IGF1R: variants seen among roughly 807,000 people sequenced by gnomAD.
The protein encoded by IGF1R is insulin like growth factor 1 receptor.
IGF1R carries 44 observed loss-of-function variants against 144.6 expected under a neutral mutation model. The ratio of observed to expected loss-of-function variants is 0.30; its 90% CI spans 0.24 to 0.39. The LOEUF is 0.39. Ranked by LOEUF, IGF1R falls within the 10% of genes least tolerant of loss-of-function variation. The probability of loss-of-function intolerance (pLI) is 1.00; values close to 1 mark genes in which losing one functional copy is unlikely to be tolerated. For synonymous variants in IGF1R, 795 were observed against 722.8 expected (o/e 1.10, Z -1.60); for missense variants, 1,355 against 1,833.7 (o/e 0.74, Z 4.77).
chr15:98,885,373 G>A (rs1309886209), intron 2 of IGF1R, among the ~76,000 whole-genome samples: 2 of 152,152 alleles, frequency 1.3e-5, no homozygotes, highest in African/African-American at 2.4e-5. Flanking sequence ...AGTTCACCTA[G>A]AGCCCCTCGC....
rs563663770 is a variant in IGF1R, at chr15:98,740,866, T to C, written c.640+32759T>C. Among the ~76,000 whole-genome samples the C allele has an allele frequency of 3.3e-5, 5 of 152,358 alleles. 1 individual carries two copies. The South Asian group carries it at 1.0e-3, about 32-fold the overall frequency. ...ATTCCCCTACTTTCTCTTATGTATC[T>C]GGACTGGCTTTTAAAAGATATTTAG... On this transcript the variant is annotated intron_variant, in intron 2 of 20. Transcript: ENST00000650285.
At chr15:98,741,437 C>T (rs552966395) in intron 2 of IGF1R, among the ~76,000 whole-genome samples, 10 of 152,134 alleles carry the variant, frequency 6.6e-5, no homozygotes, top group African/African-American at 2.4e-4. Flanking sequence ...GCTTTTTCTT[C>T]TTCAGCAGGT....
chr15:98,648,667 A>G lies in IGF1R; in HGVS notation c.-915A>G, dbSNP rs1368051492. Among the ~76,000 whole-genome samples, 3 of 146,134 alleles carry G rather than the reference A, an allele frequency of 2.1e-5. No homozygotes were observed. Among genetic ancestry groups the G allele is most frequent in the South Asian group, 4.2e-4 (2 of 4,778 alleles). On this transcript the variant is annotated 5_prime_UTR_variant, in exon 1 of 21. Transcript: ENST00000650285. ...CGAGCGCACCAGGCGAACTCGAGAG[A>G]GGCGGGAGAGCGAGAGGGACGCCGC...
intron 2 of IGF1R, among the ~76,000 whole-genome samples, chr15:98,823,534 G>C (rs888428803): frequency 2.0e-5 from 3 of 152,192 alleles, no homozygotes; most frequent in African/African-American, 7.2e-5. Flanking sequence ...CTAATTCAAA[G>C]TCTATTTTCT....
intron 1 of IGF1R, among the ~76,000 whole-genome samples, chr15:98,657,054 T>C (rs2052502762): frequency 1.3e-5 from 2 of 152,252 alleles, no homozygotes; most frequent in Admixed American, 6.5e-5. Context: ...TACATTGTGA[T>C]TGCTTTCAGC....
intron 2 of IGF1R, among the ~76,000 whole-genome samples, chr15:98,801,783 A>G (rs2056369200): frequency 1.3e-5 from 2 of 152,220 alleles, no homozygotes. Flanking sequence ...AGAGACGACC[A>G]CACTGGGTTT....
chr15:98,859,511 T>C (rs1398751225), intron 2 of IGF1R, among the ~76,000 whole-genome samples: 1 of 152,228 alleles, frequency 6.6e-6, no homozygotes, highest in Non-Finnish European at 1.5e-5. Context: ...AACTTTCCAG[T>C]TCGTAAGCTT....
chr15:98,754,023 G>A, intron 2 of IGF1R, among the ~76,000 whole-genome samples: 1 of 152,068 alleles, frequency 6.6e-6, no homozygotes, highest in East Asian at 1.9e-4. Flanking sequence ...GGGAAGCCTT[G>A]TTTTCCTTTT....
intron 2 of IGF1R, among the ~76,000 whole-genome samples, chr15:98,878,053 C>T (rs1213294550): frequency 6.6e-6 from 1 of 152,182 alleles, no homozygotes; most frequent in African/African-American, 2.4e-5. Flanking sequence ...TGGCATTGAG[C>T]GTCTAAGGTA....
At chr15:98,890,324 A>G (rs561573872) in intron 2 of IGF1R, 1 of 152,382 alleles carries the variant, frequency 6.6e-6, no homozygotes, top group South Asian at 2.1e-4. Flanking sequence ...ATGCAGTTAA[A>G]GAAGCCGGCG....
At chr15:98,902,657 G>A (rs907383136) in intron 5 of IGF1R, among the ~76,000 whole-genome samples, 16 of 150,944 alleles carry the variant, frequency 1.1e-4, no homozygotes, top group Non-Finnish European at 1.9e-4. Context: ...CTTGTGATCC[G>A]CCCGCCTCAG....
chr15:98,876,327 AGAG>A (rs370865036), intron 2 of IGF1R, among the ~76,000 whole-genome samples: 97 of 137,414 alleles, frequency 7.1e-4, no homozygotes, highest in South Asian at 6.4e-3. Flanking sequence ...AAAAAAAAAA[AGAG>A]AGAGAGAGTC....
At chr15:98,918,390 T>C (rs1274437900) in intron 10 of IGF1R, among the ~76,000 whole-genome samples, 3 of 152,030 alleles carry the variant, frequency 2.0e-5, no homozygotes, top group East Asian at 3.9e-4. Flanking sequence ...CAACAAATGG[T>C]TTTTAAAGTG....
At chr15:98,943,105 T>G in intron 19 of IGF1R, 53 bp downstream of exon 19, 5 of 1,602,246 alleles carry the variant, frequency 3.1e-6, no homozygotes, top group Non-Finnish European at 3.4e-6. Flanking sequence ...CTCTGCACTT[T>G]CCACCAGCTC....
In IGF1R at chr15:98,668,101, G is replaced by A. The variant is rs562991703; in HGVS notation, c.94+18426G>A. 2.6e-5 allele frequency among the ~76,000 whole-genome samples: 4 copies of A among 152,256 alleles called. No homozygotes were observed. In the South Asian group the frequency reaches 6.2e-4, roughly 24 times the overall value. On this transcript the variant is annotated intron_variant, in intron 1 of 20. Coordinates refer to ENST00000650285, the MANE Select transcript of IGF1R (RefSeq NM_000875.5). ...GGTTTCTGTTAAGGGTCCATTTCTT[G>A]GCTTGCAGATGACAAATGTCATGTG...
intron 2 of IGF1R, among the ~76,000 whole-genome samples, chr15:98,876,778 C>T (rs2013083560): frequency 6.6e-6 from 1 of 152,152 alleles, no homozygotes; most frequent in South Asian, 2.1e-4. Context: ...AACTGGTTCT[C>T]ATGAGGCTTA....
At chr15:98,664,466 A>C (rs1037049202) in intron 1 of IGF1R, among the ~76,000 whole-genome samples, 1 of 152,094 alleles carries the variant, frequency 6.6e-6, no homozygotes, top group African/African-American at 2.4e-5. Context: ...GGAGTTCGAG[A>C]CCAGCCTGGC....
chr15:98,747,153 C>G (rs2054888363), intron 2 of IGF1R, among the ~76,000 whole-genome samples: 2 of 152,096 alleles, frequency 1.3e-5, no homozygotes, highest in Non-Finnish European at 2.9e-5. Flanking sequence ...CTATCAGTTC[C>G]CATTCATTTA....
At position 98,695,082 on chromosome 15, in the gene IGF1R, C is replaced by T. The variant is rs189947399; in HGVS notation, c.95-12480C>T. On this transcript the variant is annotated intron_variant, in intron 1 of 20. Coordinates refer to ENST00000650285, the MANE Select transcript of IGF1R (RefSeq NM_000875.5). ...TTTTCTGTCTTTATTTTTTTTCCTG[C>T]CTCTATGGGTTGTGAACAAAAACAA... is the stretch of plus-strand genomic sequence containing the variant. Among the ~76,000 whole-genome samples, 3 of 152,160 alleles carry T rather than the reference C, an allele frequency of 2.0e-5. No homozygotes were observed. The East Asian group carries it at 5.8e-4, about 29-fold the overall frequency.
Sources: allele counts gnomAD v4.1 joint callset (sites outside exome capture counted in the v4.1 genomes callset), GRCh38; gene constraint gnomAD v4.1.1; transcripts MANE v1.5; gene names NCBI Gene and HGNC (gene_info 2026-07-23, HGNC 2026-07-21).